PKN2: variants seen among roughly 807,000 people sequenced by gnomAD.
PKN2 encodes protein kinase N2.
Under a neutral mutation model 119.1 loss-of-function variants are expected in PKN2, and 38 were observed. That is an observed-to-expected ratio of 0.32 (90% CI 0.25 to 0.42). The LOEUF (loss-of-function observed/expected upper bound fraction) is 0.42. Ranked by LOEUF, PKN2 falls within the 10% of genes least tolerant of loss-of-function variation. The probability of loss-of-function intolerance (pLI) is 1.00; values close to 1 mark genes in which losing one functional copy is unlikely to be tolerated. For synonymous variants in PKN2, 390 were observed against 384.9 expected (o/e 1.01, Z -0.15); for missense variants, 850 against 1,165.1 (o/e 0.73, Z 3.94).
chr1:88,745,561 A>G lies in PKN2; in HGVS notation c.349+4273A>G, dbSNP rs145276802. Among the ~76,000 whole-genome samples, 13 of 152,268 alleles carry G rather than the reference A, an allele frequency of 8.5e-5. No individual in the cohort carries two copies. In the East Asian group the frequency reaches 2.3e-3, roughly 27 times the overall value. On this transcript the variant is annotated intron_variant, in intron 2 of 21. Transcript: ENST00000370521. ...TTTAACCAAGAATTGAAAGAGCTCT[A>G]TATAGAAAACGATGAAAGAAATTGA...
intron 2 of PKN2, among the ~76,000 whole-genome samples, chr1:88,749,440 G>A (rs1668901125): frequency 6.6e-6 from 1 of 151,590 alleles, no homozygotes; most frequent in South Asian, 2.1e-4. Context: ...AACTCACAGT[G>A]TTAACCCTGC....
chr1:88,689,143 CAG>C (rs1204412176), intron 1 of PKN2, among the ~76,000 whole-genome samples: 1 of 152,078 alleles, frequency 6.6e-6, no homozygotes, highest in African/African-American at 2.4e-5. Flanking sequence ...AGAAGGTAAA[CAG>C]GGTAGTTAAG....
At chr1:88,705,165 C>G (rs1181032665) in intron 1 of PKN2, among the ~76,000 whole-genome samples, 1 of 151,248 alleles carries the variant, frequency 6.6e-6, no homozygotes, top group African/African-American at 2.4e-5. Context: ...TTTCCAGGAG[C>G]AGAAGTTCTT....
At chr1:88,831,054 C>A (rs1488343467) in intron 19 of PKN2, among the ~76,000 whole-genome samples, 2 of 151,904 alleles carry the variant, frequency 1.3e-5, no homozygotes, top group Admixed American at 1.3e-4. Context: ...CAGGAATAAA[C>A]AAACATCGCA....
intron 3 of PKN2, among the ~76,000 whole-genome samples, chr1:88,765,769 T>A (rs1669644805): frequency 6.6e-6 from 1 of 152,190 alleles, no homozygotes. Context: ...CTTTCTGGAT[T>A]CCCTTAACTA....
chr1:88,822,019 AT>A lies in PKN2; in HGVS notation c.2342+22del, dbSNP rs761628787. 1.8e-4 allele frequency: 279 copies of A among 1,509,458 alleles called. 1 individual carries two copies. The highest frequency in any genetic ancestry group is 3.5e-4 in the Admixed American group (16 of 45,374). The allele number at this position is 1,509,458 out of a possible 1,614,324, so 93.5% of individuals were successfully genotyped here. On this transcript the variant is annotated intron_variant, in intron 17 of 21. Transcript: ENST00000370521. ...TTGTTTATAGGTAAGTTAATTTTTA[AT>A]TTTTTCTAATGGCTTGCTTTGGTAT...
chr1:88,712,537 G>A (rs77885743), intron 1 of PKN2, among the ~76,000 whole-genome samples: 1 of 152,086 alleles, frequency 6.6e-6, no homozygotes, highest in African/African-American at 2.4e-5. Flanking sequence ...CTTCAAGACA[G>A]TGAAGCATAC....
chr1:88,758,613 T>C (rs921986771), intron 2 of PKN2, among the ~76,000 whole-genome samples: 20 of 152,196 alleles, frequency 1.3e-4, no homozygotes, highest in African/African-American at 4.8e-4. Context: ...CTCCCACTTA[T>C]AAGAAAGAAC....
intron 1 of PKN2, among the ~76,000 whole-genome samples, chr1:88,729,758 A>AT (rs2100723729): frequency 6.6e-6 from 1 of 152,192 alleles, no homozygotes; most frequent in African/African-American, 2.4e-5. Flanking sequence ...AAGAGGCAGG[A>AT]TTCACTTGAG....
intron 6 of PKN2, among the ~76,000 whole-genome samples, chr1:88,774,388 A>G (rs1670006195): frequency 6.6e-6 from 1 of 152,168 alleles, no homozygotes; most frequent in Admixed American, 6.5e-5. Flanking sequence ...CAACCTCCTG[A>G]AGATATGATC....
intron 1 of PKN2, among the ~76,000 whole-genome samples, chr1:88,737,297 C>T (rs1668391291): frequency 6.6e-6 from 1 of 152,170 alleles, no homozygotes; most frequent in South Asian, 2.1e-4. Context: ...GGCCATGTCT[C>T]TCTGCCTGAC....
chr1:88,750,364 ACT>A (rs1378573749), intron 2 of PKN2, among the ~76,000 whole-genome samples: 1 of 152,074 alleles, frequency 6.6e-6, no homozygotes, highest in Non-Finnish European at 1.5e-5. Context: ...GTGTTCTAGA[ACT>A]CTGTTTCATC....
intron 16 of PKN2, among the ~76,000 whole-genome samples, chr1:88,816,559 T>C (rs1672003831): frequency 6.6e-6 from 1 of 152,228 alleles, no homozygotes; most frequent in South Asian, 2.1e-4. Context: ...CTTAAGCAAT[T>C]TTAAGCTCAC....
chr1:88,740,934 C>T (rs1022668908), intron 1 of PKN2, 54 bp from the exon 2 acceptor site: 1 of 1,173,432 alleles, frequency 8.5e-7, no homozygotes, highest in African/African-American at 1.5e-5. Flanking sequence ...TGCATATTTA[C>T]TGAGCAGCCA....
intron 1 of PKN2, among the ~76,000 whole-genome samples, chr1:88,736,399 T>A (rs1668352004): frequency 6.6e-6 from 1 of 152,158 alleles, no homozygotes; most frequent in Admixed American, 6.5e-5. Flanking sequence ...TCACTCACTC[T>A]GTTGCCCAGG....
chr1:88,794,088 T>C (rs1670957710), intron 8 of PKN2, among the ~76,000 whole-genome samples: 1 of 151,950 alleles, frequency 6.6e-6, no homozygotes, highest in Admixed American at 6.6e-5. Flanking sequence ...GATATACCTG[T>C]TGGGCACGGT....
intron 16 of PKN2, among the ~76,000 whole-genome samples, chr1:88,821,271 G>C (rs1203750876): frequency 6.6e-6 from 1 of 152,144 alleles, no homozygotes; most frequent in African/African-American, 2.4e-5. Context: ...ATGTTCTCAT[G>C]ATCTTTTCAT....
At chr1:88,819,457 C>T (rs1672154681) in intron 16 of PKN2, among the ~76,000 whole-genome samples, 1 of 152,188 alleles carries the variant, frequency 6.6e-6, no homozygotes, top group Non-Finnish European at 1.5e-5. Context: ...ATCAAAACTA[C>T]AATGAGATAC....
intron 1 of PKN2, among the ~76,000 whole-genome samples, chr1:88,718,597 AAC>A: frequency 6.6e-6 from 1 of 152,350 alleles, no homozygotes; most frequent in African/African-American, 2.4e-5. Context: ...TATACCAAGT[AAC>A]ATGGCATTTG....
Sources: allele counts gnomAD v4.1 joint callset (sites outside exome capture counted in the v4.1 genomes callset), GRCh38; gene constraint gnomAD v4.1.1; transcripts MANE v1.5; gene names NCBI Gene and HGNC (gene_info 2026-07-23, HGNC 2026-07-21).